Variants in INPP4A observed in about 807,000 individuals in gnomAD.
The protein encoded by INPP4A is inositol polyphosphate-4-phosphatase, type I, 107kD.
In INPP4A, 33 loss-of-function variants were observed where a neutral mutation model predicts 119.8. That is an observed-to-expected ratio of 0.28 (90% CI 0.21 to 0.37). INPP4A has a LOEUF of 0.37. Ranked by LOEUF, INPP4A falls within the 10% of genes least tolerant of loss-of-function variation. The probability of loss-of-function intolerance (pLI) is 1.00; values close to 1 mark genes in which losing one functional copy is unlikely to be tolerated. For synonymous variants in INPP4A, 496 were observed against 500.7 expected, an observed-to-expected ratio of 0.99 and a Z score of 0.12; for missense variants, 956 against 1,289.9, an observed-to-expected ratio of 0.74 and a Z score of 3.97.
chr2:98,568,821 G>A (rs973806386), intron 22 of INPP4A, 153 bp downstream of exon 22: 3 of 601,080 alleles, frequency 5.0e-6, no homozygotes, highest in Non-Finnish European at 6.1e-6. Context: ...CGCAGAGAGA[G>A]AGAGAGAAGC....
intron 1 of INPP4A, among the ~76,000 whole-genome samples, chr2:98,463,456 C>T (rs182411982): frequency 2.0e-5 from 3 of 152,240 alleles, no homozygotes; most frequent in Admixed American, 1.3e-4. Context: ...GGGAAGGCAA[C>T]GGCCTGGGCA....
In INPP4A at chr2:98,560,171, G is replaced by A. The variant is rs541611627; in HGVS notation, c.1855+676G>A. On this transcript the variant is annotated intron_variant, in intron 17 of 24. Transcript: ENST00000409851. ...ATCTAGTTCATATTGAGTTTCCTGG[G>A]TATGGCTTGTGGTTTTGAGCATGAG... Among the ~76,000 whole-genome samples, 6 of 152,226 alleles carry A rather than the reference G, an allele frequency of 3.9e-5. No homozygotes were observed. The East Asian group carries it at 1.2e-3, about 29-fold the overall frequency.
chr2:98,448,046 C>CAAAA (rs35998148), intron 1 of INPP4A, among the ~76,000 whole-genome samples: 2 of 64,184 alleles, frequency 3.1e-5, no homozygotes, highest in Non-Finnish European at 6.1e-5. Context: ...GACTCTGTCT[C>CAAAA]AAAAAAAAAA....
chr2:98,575,226 G>A (rs755893095), intron 23 of INPP4A, among the ~76,000 whole-genome samples: 1 of 152,274 alleles, frequency 6.6e-6, no homozygotes, highest in Non-Finnish European at 1.5e-5. Flanking sequence ...TGCACCACAA[G>A]TGGCTGGTGT....
chr2:98,536,644 A>G (rs1346944890), intron 7 of INPP4A, among the ~76,000 whole-genome samples: 1 of 152,232 alleles, frequency 6.6e-6, no homozygotes, highest in East Asian at 1.9e-4. Flanking sequence ...ACTGTCTCCC[A>G]GGATGGAAAG....
chr2:98,576,489 G>A (rs1698441440), intron 23 of INPP4A, among the ~76,000 whole-genome samples: 1 of 152,190 alleles, frequency 6.6e-6, no homozygotes, highest in Non-Finnish European at 1.5e-5. Context: ...CGTCTGTTCA[G>A]GTGAAAGAGG....
In INPP4A at chr2:98,460,864, C is replaced by T. The variant is rs1697021644; in HGVS notation, c.-166+15779C>T. On this transcript the variant is annotated intron_variant, in intron 1 of 24. Transcript: ENST00000409851. ...CCCAGCATTGGAGAAGAATCGTCTG[C>T]GCCCCCTCTAATCCACCTGTGAAAC... Among the ~76,000 whole-genome samples the T allele has an allele frequency of 2.0e-5, 3 of 152,208 alleles. 1 individual carries two copies. The highest frequency in any genetic ancestry group is 4.4e-5 in the Non-Finnish European group (3 of 68,042).
intron 13 of INPP4A, among the ~76,000 whole-genome samples, chr2:98,549,177 A>G (rs1386076130): frequency 6.6e-6 from 1 of 152,100 alleles, no homozygotes; most frequent in African/African-American, 2.4e-5. Flanking sequence ...TTTACCTTTA[A>G]AACCTGGCAG....
chr2:98,503,923 T>C (rs140447460), intron 1 of INPP4A, among the ~76,000 whole-genome samples: 70 of 152,354 alleles, frequency 4.6e-4, no homozygotes, highest in African/African-American at 1.6e-3. Context: ...TGCGTGTCAG[T>C]TGGCACTTGT....
At chr2:98,525,088 C>T (rs369365500) in intron 4 of INPP4A, among the ~76,000 whole-genome samples, 44 of 152,328 alleles carry the variant, frequency 2.9e-4, no homozygotes, top group Middle Eastern at 3.4e-3. Context: ...CTATCTATTT[C>T]CTTGCTCATT....
chr2:98,502,061 C>A (rs1208102098), intron 1 of INPP4A, among the ~76,000 whole-genome samples: 2 of 152,234 alleles, frequency 1.3e-5, no homozygotes, highest in Non-Finnish European at 1.5e-5. Flanking sequence ...AATTTGTTCA[C>A]ACCTTCCTAG....
intron 1 of INPP4A, among the ~76,000 whole-genome samples, chr2:98,497,171 G>A (rs1682160396): frequency 6.6e-6 from 1 of 152,252 alleles, no homozygotes; most frequent in South Asian, 2.1e-4. Context: ...AACCTTGGCA[G>A]CTTCCACATG....
At chr2:98,484,088 C>T (rs1478951802) in intron 1 of INPP4A, among the ~76,000 whole-genome samples, 2 of 152,128 alleles carry the variant, frequency 1.3e-5, no homozygotes, top group East Asian at 1.9e-4. Context: ...GAATCTCTTT[C>T]GCTTTGACCG....
intron 1 of INPP4A, among the ~76,000 whole-genome samples, chr2:98,455,975 C>T (rs752960900): frequency 6.6e-6 from 1 of 152,192 alleles, no homozygotes; most frequent in African/African-American, 2.4e-5. Flanking sequence ...CTCTCTCCAT[C>T]ACTCCTTCTG....
At chr2:98,494,423 C>T (rs1681492261) in intron 1 of INPP4A, among the ~76,000 whole-genome samples, 1 of 152,190 alleles carries the variant, frequency 6.6e-6, no homozygotes, top group Non-Finnish European at 1.5e-5. Context: ...CTACTGCTCC[C>T]ATCCAGCACC....
chr2:98,491,324 G>C (rs1680717941), intron 1 of INPP4A, among the ~76,000 whole-genome samples: 1 of 152,196 alleles, frequency 6.6e-6, no homozygotes, highest in African/African-American at 2.4e-5. Flanking sequence ...TGGACGCAGC[G>C]CCACGTAGGG....
At chr2:98,526,147 T>A (rs1274590347) in intron 4 of INPP4A, among the ~76,000 whole-genome samples, 1 of 152,158 alleles carries the variant, frequency 6.6e-6, no homozygotes, top group Non-Finnish European at 1.5e-5. Flanking sequence ...ACAACACAGA[T>A]GAGTCTCGAA....
chr2:98,523,380 G>C (rs969672891), intron 4 of INPP4A, among the ~76,000 whole-genome samples: 2 of 150,676 alleles, frequency 1.3e-5, no homozygotes, highest in Admixed American at 1.3e-4. Context: ...TTTTTGTTTT[G>C]TTTTTGTTTT....
rs546348827 is a variant in INPP4A, at chr2:98,530,393, A to T, written c.152-2984A>T. ...CACTTAGTGCTTTAGACAGTGTCTC[A>T]GTGAGAAGTGGCAGGGATTGCTTTC... On this transcript the variant is annotated intron_variant, in intron 4 of 24. Coordinates refer to ENST00000409851, the MANE Select transcript of INPP4A (RefSeq NM_001134225.2). Among the ~76,000 whole-genome samples, 14 of 152,232 alleles carry T rather than the reference A, an allele frequency of 9.2e-5. No individual in the cohort carries two copies. In the East Asian group the frequency reaches 9.7e-4, roughly 11 times the overall value.
Sources: allele counts gnomAD v4.1 joint callset (sites outside exome capture counted in the v4.1 genomes callset), GRCh38; gene constraint gnomAD v4.1.1; transcripts MANE v1.5; gene names NCBI Gene and HGNC (gene_info 2026-07-23, HGNC 2026-07-21).